Variants in CTNNA3 observed in about 807,000 individuals in gnomAD.
CTNNA3 encodes the protein catenin alpha-3.
CTNNA3 carries 76 observed loss-of-function variants against 95.7 expected under a neutral mutation model. The ratio of observed to expected loss-of-function variants is 0.79; its 90% CI spans 0.66 to 0.96. CTNNA3 has a LOEUF of 0.96. Among genes scored for constraint, CTNNA3 ranks in the 40% least tolerant of loss-of-function variants. The pLI, the probability that CTNNA3 is intolerant of heterozygous loss-of-function variation, is 0.00. For missense variants in CTNNA3, 1,191 were observed against 1,089.8 expected (o/e 1.09, Z -1.31); for synonymous variants, 431 against 374.4 (o/e 1.15, Z -1.74).
intron 7 of CTNNA3, among the ~76,000 whole-genome samples, chr10:67,133,378 T>TACACAC (rs71006130): frequency 3.0e-5 from 4 of 133,936 alleles, no homozygotes; most frequent in South Asian, 2.4e-4. Context: ...TATATATATA[T>TACACAC]ACACACACAC....
At chr10:66,337,570 A>C (rs1020766583) in intron 12 of CTNNA3, among the ~76,000 whole-genome samples, 2 of 151,954 alleles carry the variant, frequency 1.3e-5, no homozygotes, top group Admixed American at 1.3e-4. Context: ...ACTACGTTCA[A>C]ACTTCAGATT....
intron 5 of CTNNA3, among the ~76,000 whole-genome samples, chr10:67,443,547 T>G (rs921038123): frequency 4.6e-5 from 7 of 152,238 alleles, no homozygotes; most frequent in African/African-American, 1.7e-4. Context: ...TGATGGCCAG[T>G]GATGATGAGC....
chr10:66,939,216 T>C (rs1847875293), intron 7 of CTNNA3, among the ~76,000 whole-genome samples: 1 of 152,208 alleles, frequency 6.6e-6, no homozygotes, highest in Non-Finnish European at 1.5e-5. Context: ...GCATGTTAGA[T>C]CATACAGAAC....
intron 9 of CTNNA3, among the ~76,000 whole-genome samples, chr10:66,690,437 T>C (rs1847478626): frequency 6.6e-6 from 1 of 151,802 alleles, no homozygotes; most frequent in African/African-American, 2.4e-5. Flanking sequence ...AACTCGTCAT[T>C]TAGCATTAGG....
At chr10:66,396,396 A>G (rs2092977635) in intron 11 of CTNNA3, among the ~76,000 whole-genome samples, 1 of 152,030 alleles carries the variant, frequency 6.6e-6, no homozygotes, top group Non-Finnish European at 1.5e-5. Flanking sequence ...AGTTTACTAA[A>G]CTTAATTTTA....
intron 8 of CTNNA3, among the ~76,000 whole-genome samples, chr10:66,769,257 T>C (rs1839988330): frequency 6.6e-6 from 1 of 152,220 alleles, no homozygotes; most frequent in South Asian, 2.1e-4. Flanking sequence ...CAGAAGGAAA[T>C]GCCCAGAAAT....
At chr10:67,586,918 G>A (rs911304163) in intron 3 of CTNNA3, among the ~76,000 whole-genome samples, 4 of 151,930 alleles carry the variant, frequency 2.6e-5, no homozygotes, top group African/African-American at 9.7e-5. Context: ...ATTCTGTAGT[G>A]GTTCCATTTG....
chr10:67,599,985 T>C (rs1843036327), intron 3 of CTNNA3, among the ~76,000 whole-genome samples: 1 of 152,126 alleles, frequency 6.6e-6, no homozygotes, highest in Non-Finnish European at 1.5e-5. Context: ...GGCATTGGTG[T>C]AAGAATAGAT....
At chr10:67,120,991 T>TTCTAAG (rs1253993383) in intron 7 of CTNNA3, among the ~76,000 whole-genome samples, 1 of 152,040 alleles carries the variant, frequency 6.6e-6, no homozygotes, top group African/African-American at 2.4e-5. Context: ...AAATAATTTC[T>TTCTAAG]TCTAAGTCTC....
chr10:66,466,037 T>TTTTAAATTG (rs2131860528), intron 11 of CTNNA3, among the ~76,000 whole-genome samples: 1 of 152,170 alleles, frequency 6.6e-6, no homozygotes, highest in South Asian at 2.1e-4. Context: ...AAATTGAGGT[T>TTTTAAATTG]AGTTTTTAAA....
chr10:67,038,488 G>T (rs1854202256), intron 7 of CTNNA3, among the ~76,000 whole-genome samples: 1 of 151,966 alleles, frequency 6.6e-6, no homozygotes. Flanking sequence ...CTCAGGAAAA[G>T]GACAACTCAT....
intron 9 of CTNNA3, among the ~76,000 whole-genome samples, chr10:66,711,486 T>C (rs1848294101): frequency 6.6e-6 from 1 of 152,106 alleles, no homozygotes; most frequent in African/African-American, 2.4e-5. Flanking sequence ...CTTGTGCTTC[T>C]CTGTGTTGCT....
intron 5 of CTNNA3, among the ~76,000 whole-genome samples, chr10:67,389,906 G>A (rs1430610522): frequency 6.6e-6 from 1 of 150,954 alleles, no homozygotes; most frequent in South Asian, 2.1e-4. Flanking sequence ...CACATTCAAA[G>A]CAGTGTGTAG....
At chr10:66,118,195 C>A (rs2082418224) in intron 13 of CTNNA3, 1 of 152,142 alleles carries the variant, frequency 6.6e-6, no homozygotes, top group Admixed American at 6.5e-5. Flanking sequence ...GTACAGGTGG[C>A]ATCTACTGGA....
In CTNNA3 at chr10:66,951,088, TACACACAC is replaced by T. The variant is rs3056558; in HGVS notation, c.1048-175572_1048-175565del. On this transcript the variant is annotated intron_variant, in intron 7 of 17. Coordinates refer to ENST00000433211, the MANE Select transcript of CTNNA3 (RefSeq NM_013266.4). ...TGCCAGCTTTTTCTTTAACATTAAA[TACACACAC>T]ACACACACACACACACACACACTGT... 8.3e-3 allele frequency among the ~76,000 whole-genome samples: 1,210 copies of T among 146,090 alleles called. 17 individuals are homozygous for T. The highest frequency in any genetic ancestry group is 0.028 in the African/African-American group (1,133 of 39,842).
intron 7 of CTNNA3, among the ~76,000 whole-genome samples, chr10:67,030,787 C>T (rs1002245059): frequency 1.3e-5 from 2 of 152,032 alleles, no homozygotes; most frequent in African/African-American, 2.4e-5. Context: ...GGGCAGATCA[C>T]GAGGTCAGGA....
intron 11 of CTNNA3, among the ~76,000 whole-genome samples, chr10:66,417,556 C>T (rs1208673091): frequency 6.6e-6 from 1 of 151,930 alleles, no homozygotes. Flanking sequence ...AACATTTTAT[C>T]CAACAACTGC....
At chr10:67,081,297 A>G (rs1266893475) in intron 7 of CTNNA3, among the ~76,000 whole-genome samples, 3 of 152,210 alleles carry the variant, frequency 2.0e-5, no homozygotes, top group African/African-American at 7.2e-5. Context: ...TGAGAGTGAC[A>G]AGCAGTGAAA....
chr10:66,699,304 A>C (rs1033352561), intron 9 of CTNNA3, among the ~76,000 whole-genome samples: 2 of 152,150 alleles, frequency 1.3e-5, no homozygotes, highest in Non-Finnish European at 2.9e-5. Flanking sequence ...ACATTTTTTC[A>C]TAACTGTACC....
Sources: gnomAD v4.1 joint callset for allele counts (sites outside exome capture counted in the v4.1 genomes callset) on GRCh38, gnomAD v4.1.1 for gene constraint, MANE v1.5 for transcripts, NCBI Gene and HGNC (gene_info 2026-07-23, HGNC 2026-07-21) for gene names.